Variants in IL1RAPL2 observed in about 807,000 individuals in gnomAD.
IL1RAPL2 encodes interleukin 1 receptor accessory protein like 2, also known as X-linked interleukin-1 receptor accessory protein-like 2.
In IL1RAPL2, 3 loss-of-function variants were observed where a neutral mutation model predicts 44.1. The ratio of observed to expected loss-of-function variants is 0.07; its 90% CI spans 0.03 to 0.18. The LOEUF (loss-of-function observed/expected upper bound fraction) is 0.18, where lower values mean the gene tolerates loss of function less well. IL1RAPL2 is among the 10% of genes least tolerant of loss of function. IL1RAPL2 has a pLI of 1.00. For synonymous variants in IL1RAPL2, 181 were observed against 178.8 expected, an observed-to-expected ratio of 1.01 and a Z score of -0.10; for missense variants, 391 against 496.4, an observed-to-expected ratio of 0.79 and a Z score of 2.02.
intron 2 of IL1RAPL2, among the ~76,000 whole-genome samples, chrX:105,098,328 C>T (rs2147558632): frequency 9.0e-6 from 1 of 111,691 alleles, no homozygotes; most frequent in East Asian, 2.8e-4. Flanking sequence ...TCACTCATTT[C>T]ATCTCCGGTT....
intron 1 of IL1RAPL2, among the ~76,000 whole-genome samples, chrX:104,617,726 A>G (rs892968731): frequency 9.0e-6 from 1 of 111,699 alleles, no homozygotes; most frequent in Non-Finnish European, 1.9e-5. Flanking sequence ...TAAAATGTTT[A>G]TCTCTTCCTT....
At chrX:104,985,759 G>C (rs1437776396) in intron 2 of IL1RAPL2, among the ~76,000 whole-genome samples, 1 of 112,002 alleles carries the variant, frequency 8.9e-6, no homozygotes, top group East Asian at 2.8e-4. Flanking sequence ...CTTAAAAAAC[G>C]TTTCTCAGAA....
chrX:105,421,932 A>C (rs1007271679), intron 5 of IL1RAPL2, among the ~76,000 whole-genome samples: 2 of 112,113 alleles, frequency 1.8e-5, no homozygotes, highest in African/African-American at 6.5e-5. Flanking sequence ...ATTCATTCCA[A>C]ACTATAGAAA....
At chrX:105,598,373 G>A (rs1392886891) in intron 6 of IL1RAPL2, among the ~76,000 whole-genome samples, 1 of 110,273 alleles carries the variant, frequency 9.1e-6, no homozygotes, top group Non-Finnish European at 1.9e-5. Context: ...AATAAATCTA[G>A]AGATCTAAAG....
At chrX:105,495,579 G>A (rs2036351104) in intron 6 of IL1RAPL2, among the ~76,000 whole-genome samples, 1 of 111,722 alleles carries the variant, frequency 9.0e-6, no homozygotes, top group South Asian at 3.7e-4. Flanking sequence ...TGAAGGTGTT[G>A]ACTGTATATC....
intron 5 of IL1RAPL2, among the ~76,000 whole-genome samples, chrX:105,348,508 A>G (rs1416021268): frequency 1.8e-5 from 2 of 111,952 alleles, no homozygotes; most frequent in African/African-American, 3.2e-5. Context: ...AGTGTAAACT[A>G]TTATTATTAC....
At chrX:105,151,582 G>A (rs2033228347) in intron 2 of IL1RAPL2, among the ~76,000 whole-genome samples, 1 of 109,898 alleles carries the variant, frequency 9.1e-6, no homozygotes, top group African/African-American at 3.3e-5. Flanking sequence ...GTAGACAGGA[G>A]ATAATTCAAC....
intron 6 of IL1RAPL2, among the ~76,000 whole-genome samples, chrX:105,600,897 ACT>A (rs2037247100): frequency 9.0e-6 from 1 of 111,089 alleles, no homozygotes; most frequent in South Asian, 3.7e-4. Flanking sequence ...ATGTTTTACC[ACT>A]CTCATTAACA....
At chrX:104,746,989 G>A (rs1932186047) in intron 2 of IL1RAPL2, among the ~76,000 whole-genome samples, 1 of 111,529 alleles carries the variant, frequency 9.0e-6, no homozygotes, top group African/African-American at 3.3e-5. Context: ...TTTTATCCAG[G>A]CATGCAAAGC....
At chrX:104,699,662 G>T (rs1931242818) in intron 2 of IL1RAPL2, among the ~76,000 whole-genome samples, 1 of 111,990 alleles carries the variant, frequency 8.9e-6, no homozygotes, top group Non-Finnish European at 1.9e-5. Context: ...GATAGATTAT[G>T]GCTGGCAGAT....
chrX:104,886,757 C>G (rs908140226), intron 2 of IL1RAPL2, among the ~76,000 whole-genome samples: 2 of 112,320 alleles, frequency 1.8e-5, no homozygotes, highest in African/African-American at 6.5e-5. Context: ...ATCCCACAGA[C>G]CACACATCCC....
chrX:105,688,318 A>T (rs2038002393), intron 6 of IL1RAPL2, among the ~76,000 whole-genome samples: 2 of 111,728 alleles, frequency 1.8e-5, no homozygotes, highest in Non-Finnish European at 3.8e-5. Flanking sequence ...TGTATTTAGA[A>T]AACCCCATCG....
At chrX:105,192,206 G>T (rs782326345) in intron 2 of IL1RAPL2, among the ~76,000 whole-genome samples, 1 of 112,438 alleles carries the variant, frequency 8.9e-6, no homozygotes, top group East Asian at 2.8e-4. Flanking sequence ...AGGGGCTCTG[G>T]AAGTATGGCA....
At chrX:105,042,145 A>G (rs1263169127) in intron 2 of IL1RAPL2, among the ~76,000 whole-genome samples, 1 of 111,185 alleles carries the variant, frequency 9.0e-6, no homozygotes, top group Non-Finnish European at 1.9e-5. Flanking sequence ...CCTAGGCAAT[A>G]CCATTCAGGA....
chrX:104,847,776 G>C (rs1440048620), intron 2 of IL1RAPL2, among the ~76,000 whole-genome samples: 3 of 111,662 alleles, frequency 2.7e-5, no homozygotes, highest in South Asian at 3.8e-4. Flanking sequence ...CTATAAATTA[G>C]CTTGGGCAGT....
intron 10 of IL1RAPL2, among the ~76,000 whole-genome samples, chrX:105,762,873 A>AT (rs58537168): frequency 0.15 from 15,806 of 106,228 alleles, 1,115 homozygotes; most frequent in South Asian, 0.3. Context: ...GGATTTAGGG[A>AT]TTTTTTTTTT....
rs369751919 is a variant in IL1RAPL2 at position 105,311,611 on chromosome X, TACACACACAC to T, written c.697+44092_697+44101del. Among the ~76,000 whole-genome samples, 34 of 92,561 alleles carry T rather than the reference TACACACACAC, an allele frequency of 3.7e-4. No individual in the cohort carries two copies. In the Admixed American group the frequency reaches 4.0e-3, roughly 11 times the overall value. The allele number at this position is 92,561 out of a possible 115,157, so 80.4% of individuals were successfully genotyped here. A position where few individuals can be genotyped will look rare whatever the true frequency, so the allele number is the denominator to read the frequency against. On this transcript the variant is annotated intron_variant, in intron 5 of 10. Transcript: ENST00000372582. ...CTCTTTGTGGATGATTATACATACA[TACACACACAC>T]ACACACACACACACACACACATATA...
chrX:105,303,122 G>A (rs1265687023), intron 5 of IL1RAPL2, among the ~76,000 whole-genome samples: 2 of 112,107 alleles, frequency 1.8e-5, no homozygotes, highest in East Asian at 2.8e-4. Context: ...CATGGAGGAG[G>A]GTTGGTGATT....
chrX:105,423,910 T>A (rs1437831408), intron 5 of IL1RAPL2, among the ~76,000 whole-genome samples: 7 of 109,121 alleles, frequency 6.4e-5, no homozygotes, highest in Non-Finnish European at 1.9e-5. Flanking sequence ...AAACTTTAGA[T>A]CTTGACCAAA....
Sources: allele counts gnomAD v4.1 joint callset (sites outside exome capture counted in the v4.1 genomes callset), GRCh38; gene constraint gnomAD v4.1.1; transcripts MANE v1.5; gene names NCBI Gene and HGNC (gene_info 2026-07-23, HGNC 2026-07-21).